ZDHHC14: variants seen among roughly 807,000 people sequenced by gnomAD.
The protein encoded by ZDHHC14 is palmitoyltransferase ZDHHC14.
A neutral mutation model predicts 47.7 loss-of-function variants in ZDHHC14; 16 were observed. That is an observed-to-expected ratio of 0.34 (90% CI 0.23 to 0.51). The LOEUF (loss-of-function observed/expected upper bound fraction) is 0.51. ZDHHC14 is among the 20% of genes least tolerant of loss of function. The pLI is 0.97. For synonymous variants in ZDHHC14, 293 were observed against 278.9 expected (o/e 1.05, Z -0.50); for missense variants, 515 against 662.5 (o/e 0.78, Z 2.44).
chr6:157,594,449 A>C (rs903047230), intron 3 of ZDHHC14, among the ~76,000 whole-genome samples: 8 of 152,320 alleles, frequency 5.3e-5, no homozygotes, highest in East Asian at 3.9e-4. Context: ...CAGGCAAGGT[A>C]CTGAAACGCT....
intron 1 of ZDHHC14, among the ~76,000 whole-genome samples, chr6:157,390,199 T>C (rs895396327): frequency 1.3e-5 from 2 of 152,244 alleles, no homozygotes; most frequent in Non-Finnish European, 2.9e-5. Context: ...GTCTTTTTCC[T>C]ATCAGACCTT....
At chr6:157,518,131 C>T (rs1412042154) in intron 1 of ZDHHC14, among the ~76,000 whole-genome samples, 1 of 152,122 alleles carries the variant, frequency 6.6e-6, no homozygotes. Context: ...TCCCATCCCT[C>T]CGTGGAAGGC....
intron 1 of ZDHHC14, among the ~76,000 whole-genome samples, chr6:157,486,934 G>C (rs893680666): frequency 2.6e-5 from 4 of 152,214 alleles, no homozygotes; most frequent in African/African-American, 9.6e-5. Context: ...CTATGGCAGT[G>C]GCTGCTGTTG....
chr6:157,667,437 A>G (rs1562538624), intron 8 of ZDHHC14, among the ~76,000 whole-genome samples: 1 of 152,182 alleles, frequency 6.6e-6, no homozygotes, highest in Non-Finnish European at 1.5e-5. Flanking sequence ...CAAAGTAAAA[A>G]AGAGAGAGGT....
At chr6:157,557,888 A>T (rs906051802) in intron 2 of ZDHHC14, among the ~76,000 whole-genome samples, 4 of 152,184 alleles carry the variant, frequency 2.6e-5, no homozygotes, top group African/African-American at 9.7e-5. Flanking sequence ...ATAAATAGTG[A>T]ATTTCCCCTG....
intron 7 of ZDHHC14, among the ~76,000 whole-genome samples, chr6:157,649,898 C>A (rs112088242): frequency 5.3e-5 from 8 of 152,238 alleles, no homozygotes; most frequent in African/African-American, 1.9e-4. Context: ...GGTCATGTGG[C>A]CACCATTGAC....
intron 2 of ZDHHC14, among the ~76,000 whole-genome samples, chr6:157,570,301 T>C (rs967231638): frequency 5.3e-5 from 8 of 152,246 alleles, no homozygotes; most frequent in African/African-American, 1.9e-4. Flanking sequence ...TTTTTACCTT[T>C]GTTCTTGTCT....
In ZDHHC14 at chr6:157,636,572, TG is replaced by T. The variant is rs1350393381; in HGVS notation, c.752+3693del. Among the ~76,000 whole-genome samples, 4 of 152,136 alleles carry T rather than the reference TG, an allele frequency of 2.6e-5. No individual in the cohort carries two copies. The East Asian group carries it at 7.7e-4, about 29-fold the overall frequency. On this transcript the variant is annotated intron_variant, in intron 5 of 8. Coordinates refer to ENST00000359775, the MANE Select transcript of ZDHHC14 (RefSeq NM_024630.3). ...CTACATTATGGACCCGAGGTCCTGC[TG>T]GGCTCCTGCCTGGGAAAAGGAGACT...
At chr6:157,487,982 C>T (rs987830190) in intron 1 of ZDHHC14, among the ~76,000 whole-genome samples, 1 of 152,190 alleles carries the variant, frequency 6.6e-6, no homozygotes, top group Non-Finnish European at 1.5e-5. Flanking sequence ...AGATCATCCC[C>T]TCTGCTGCCT....
intron 2 of ZDHHC14, among the ~76,000 whole-genome samples, chr6:157,557,794 C>T (rs992045050): frequency 1.3e-5 from 2 of 152,160 alleles, no homozygotes; most frequent in Admixed American, 6.5e-5. Flanking sequence ...AAAGGAATGG[C>T]GGCCACTCCC....
At position 157,396,606 on chromosome 6, in the gene ZDHHC14, G is replaced by A. The variant is rs529063092; in HGVS notation, c.245+14340G>A. On this transcript the variant is annotated intron_variant, in intron 1 of 8. Coordinates refer to ENST00000359775, the MANE Select transcript of ZDHHC14 (RefSeq NM_024630.3). ...AAACCTATGCAAGTTAAATTTCAGCGTGGTCCTAACACACACAGTCAAATG... is the reference window on the plus strand; with the variant it reads ...AAACCTATGCAAGTTAAATTTCAGCATGGTCCTAACACACACAGTCAAATG... 3.9e-5 allele frequency among the ~76,000 whole-genome samples: 6 copies of A among 152,296 alleles called. 1 individual carries two copies. Among genetic ancestry groups the A allele is most frequent in the African/African-American group, 7.2e-5 (3 of 41,546 alleles).
intron 3 of ZDHHC14, among the ~76,000 whole-genome samples, chr6:157,620,929 A>G (rs1441341561): frequency 2.0e-5 from 3 of 152,222 alleles, no homozygotes; most frequent in African/African-American, 4.8e-5. Context: ...CATTGAGTTC[A>G]TCTGGTTTCA....
At chr6:157,581,109 T>C (rs1783503683) in intron 2 of ZDHHC14, among the ~76,000 whole-genome samples, 1 of 152,124 alleles carries the variant, frequency 6.6e-6, no homozygotes, top group African/African-American at 2.4e-5. Flanking sequence ...CCAGAGATTC[T>C]GGTATGTTGG....
At chr6:157,612,953 A>T (rs927118629) in intron 3 of ZDHHC14, among the ~76,000 whole-genome samples, 1 of 152,134 alleles carries the variant, frequency 6.6e-6, no homozygotes, top group East Asian at 1.9e-4. Context: ...TGAAACCCAT[A>T]TCCTTCACCC....
intron 3 of ZDHHC14, among the ~76,000 whole-genome samples, chr6:157,610,281 A>C (rs1271531662): frequency 6.6e-6 from 1 of 152,002 alleles, no homozygotes; most frequent in Non-Finnish European, 1.5e-5. Context: ...AAATACAAAA[A>C]ATTAGTCAGG....
intron 1 of ZDHHC14, among the ~76,000 whole-genome samples, chr6:157,498,340 C>A (rs772662610): frequency 5.3e-5 from 8 of 151,624 alleles, no homozygotes; most frequent in Non-Finnish European, 1.0e-4. Flanking sequence ...AGAGCGCAGC[C>A]CTTACAGTGG....
chr6:157,576,665 G>A (rs976713593), intron 2 of ZDHHC14, among the ~76,000 whole-genome samples: 2 of 152,346 alleles, frequency 1.3e-5, no homozygotes, highest in African/African-American at 4.8e-5. Flanking sequence ...TATAGTCACA[G>A]AGACTTGAGT....
intron 1 of ZDHHC14, among the ~76,000 whole-genome samples, chr6:157,528,335 A>G (rs1197456407): frequency 6.6e-6 from 1 of 152,210 alleles, no homozygotes; most frequent in Non-Finnish European, 1.5e-5. Flanking sequence ...CTTAAAAGAA[A>G]AGTAAAGAAA....
chr6:157,433,367 C>T (rs34518024), intron 1 of ZDHHC14, among the ~76,000 whole-genome samples: 72,779 of 152,040 alleles, frequency 0.48, 17,534 homozygotes, highest in East Asian at 0.61. Context: ...AATTGTAGCC[C>T]CCTTGAATAA....
Sources: allele counts gnomAD v4.1 joint callset (sites outside exome capture counted in the v4.1 genomes callset), GRCh38; gene constraint gnomAD v4.1.1; transcripts MANE v1.5; gene names NCBI Gene and HGNC (gene_info 2026-07-23, HGNC 2026-07-21).